Variants in ANKRD44 observed in about 807,000 individuals in gnomAD.
ANKRD44 encodes serine/threonine-protein phosphatase 6 regulatory ankyrin repeat subunit B.
In ANKRD44, 35 loss-of-function variants were observed where a neutral mutation model predicts 116.0. The ratio of observed to expected loss-of-function variants is 0.30; its 90% CI spans 0.23 to 0.40. ANKRD44 has a LOEUF of 0.40. Ranked by LOEUF, ANKRD44 falls within the 10% of genes least tolerant of loss-of-function variation. The probability of loss-of-function intolerance (pLI) is 1.00; values close to 1 mark genes in which losing one functional copy is unlikely to be tolerated. For missense variants in ANKRD44, 1,014 were observed against 1,242.6 expected (o/e 0.82, Z 2.77); for synonymous variants, 435 against 461.8 (o/e 0.94, Z 0.74).
chr2:197,213,127 G>T (rs763270858), intron 1 of ANKRD44, among the ~76,000 whole-genome samples: 1 of 152,100 alleles, frequency 6.6e-6, no homozygotes, highest in East Asian at 1.9e-4. Flanking sequence ...GAGTAATTTT[G>T]ACTCTACAAG....
intron 2 of ANKRD44, among the ~76,000 whole-genome samples, chr2:197,162,486 G>A (rs913658651): frequency 4.6e-5 from 7 of 152,212 alleles, no homozygotes; most frequent in East Asian, 1.9e-4. Context: ...AGTCTCAGAC[G>A]GAAATGTAGA....
At chr2:197,022,985 G>A (rs947210709) in intron 17 of ANKRD44, among the ~76,000 whole-genome samples, 4 of 152,230 alleles carry the variant, frequency 2.6e-5, no homozygotes, top group Admixed American at 1.3e-4. Flanking sequence ...TGGATACTCT[G>A]CAAGGGCAGA....
At chr2:197,004,363 ATAT>A (rs2076166297) in intron 21 of ANKRD44, among the ~76,000 whole-genome samples, 1 of 152,220 alleles carries the variant, frequency 6.6e-6, no homozygotes, top group African/African-American at 2.4e-5. Context: ...AAAAATATTC[ATAT>A]TTCTAAGACA....
intron 16 of ANKRD44, chr2:197,078,017 T>C (rs1398450204): frequency 6.6e-6 from 1 of 152,148 alleles, no homozygotes; most frequent in Non-Finnish European, 1.5e-5. Flanking sequence ...GCATGCGATA[T>C]GTTATTTCTA....
downstream of ANKRD44, among the ~76,000 whole-genome samples, chr2:196,985,566 C>T (rs1261915934): frequency 4.6e-5 from 7 of 152,124 alleles, no homozygotes; most frequent in African/African-American, 7.2e-5. Flanking sequence ...AAGATGGCAT[C>T]GAAGAGAGAA....
chr2:197,229,539 T>A (rs577296804), intron 1 of ANKRD44, among the ~76,000 whole-genome samples: 2 of 152,226 alleles, frequency 1.3e-5, no homozygotes, highest in Admixed American at 6.5e-5. Context: ...TAGTTTCTCA[T>A]TTTGATTATC....
intron 1 of ANKRD44, among the ~76,000 whole-genome samples, chr2:197,272,003 G>A (rs2082911182): frequency 6.6e-6 from 1 of 152,184 alleles, no homozygotes; most frequent in Non-Finnish European, 1.5e-5. Context: ...AGTATTAGAA[G>A]TTGGAGCCTT....
intron 2 of ANKRD44, chr2:197,147,902 A>T (rs1208065947): frequency 2.2e-6 from 1 of 455,728 alleles, no homozygotes; most frequent in Non-Finnish European, 4.4e-6. Flanking sequence ...TATAGATAAG[A>T]AGACTGTAGC....
At chr2:197,033,869 T>TA (rs2076756070) in intron 16 of ANKRD44, among the ~76,000 whole-genome samples, 1 of 152,102 alleles carries the variant, frequency 6.6e-6, no homozygotes, top group African/African-American at 2.4e-5. Context: ...GAAGACAATG[T>TA]AAAAAAGTGG....
chr2:197,163,997 G>C (rs982761299), intron 2 of ANKRD44, among the ~76,000 whole-genome samples: 1 of 152,160 alleles, frequency 6.6e-6, no homozygotes, highest in Non-Finnish European at 1.5e-5. Context: ...GAGTGCTTCA[G>C]AAAGTACAAA....
intron 16 of ANKRD44, among the ~76,000 whole-genome samples, chr2:197,076,882 T>G (rs1198285082): frequency 6.6e-6 from 1 of 152,232 alleles, no homozygotes; most frequent in South Asian, 2.1e-4. Context: ...CTATGTACCA[T>G]ACTGTCTTTA....
At chr2:197,170,368 C>T (rs2080204002) in intron 2 of ANKRD44, among the ~76,000 whole-genome samples, 1 of 152,140 alleles carries the variant, frequency 6.6e-6, no homozygotes, top group African/African-American at 2.4e-5. Flanking sequence ...AAGTGCTTCC[C>T]AAGTTTACTT....
chr2:197,245,239 A>G (rs1274360330), intron 1 of ANKRD44, among the ~76,000 whole-genome samples: 1 of 152,182 alleles, frequency 6.6e-6, no homozygotes, highest in African/African-American at 2.4e-5. Context: ...CAGCCTGGGC[A>G]ACAGAGCAAG....
chr2:197,098,043 T>C (rs2078203769), intron 10 of ANKRD44, among the ~76,000 whole-genome samples: 1 of 152,208 alleles, frequency 6.6e-6, no homozygotes, highest in African/African-American at 2.4e-5. Context: ...CCCATTTCTC[T>C]TTCTACCCCA....
intron 1 of ANKRD44, among the ~76,000 whole-genome samples, chr2:197,287,436 C>G (rs1230703587): frequency 6.6e-6 from 1 of 152,066 alleles, no homozygotes. Flanking sequence ...TCACAGAATA[C>G]TTGGCAGAGA....
rs71012942 is a variant in ANKRD44 at position 196,979,554 on chromosome 2, C to CTTTTTTTTTTTTTTTTTTTT, written c.2369-12128_2369-12109dup. Among the ~76,000 whole-genome samples the CTTTTTTTTTTTTTTTTTTTT allele has an allele frequency of 1.0e-3, 61 of 59,644 alleles. 3 individuals are homozygous for CTTTTTTTTTTTTTTTTTTTT. The highest frequency in any genetic ancestry group is 2.0e-3 in the East Asian group (3 of 1,536). 39.1% of individuals were successfully genotyped at this position (59,644 alleles called of 152,430 possible). On this transcript the variant is annotated intron_variant, in intron 21 of 21. Transcript: ENST00000424317. Reference sequence around the variant, plus strand: ...CAGCCTGAGTAATTTAATAAGATGACTTTTTTTTTTTTTTTTTTTTTTTTT... The same window carrying CTTTTTTTTTTTTTTTTTTTT: ...CAGCCTGAGTAATTTAATAAGATGACTTTTTTTTTTTTTTTTTTTTTTTTTTTTTTTTTTTTTTTTTTTTT...
intron 16 of ANKRD44, among the ~76,000 whole-genome samples, chr2:197,041,396 G>A (rs569710757): frequency 3.8e-4 from 58 of 152,176 alleles, no homozygotes; most frequent in Admixed American, 7.9e-4. Context: ...ACAGGCTCCC[G>A]CTTCCTGGGC....
chr2:197,108,864 AC>A (rs1442400656), intron 9 of ANKRD44, among the ~76,000 whole-genome samples: 7 of 146,430 alleles, frequency 4.8e-5, no homozygotes, highest in Admixed American at 2.0e-4. Context: ...AACAACAACA[AC>A]AACAACAAAA....
chr2:197,013,828 G>A (rs888849537), intron 17 of ANKRD44, 116 bp from the exon 18 acceptor site: 49 of 978,618 alleles, frequency 5.0e-5, no homozygotes, highest in South Asian at 6.0e-5. Flanking sequence ...CCAAGAGCAC[G>A]TCAGAAAAAC....
Sources: allele counts gnomAD v4.1 joint callset (sites outside exome capture counted in the v4.1 genomes callset), GRCh38; gene constraint gnomAD v4.1.1; transcripts MANE v1.5; gene names NCBI Gene and HGNC (gene_info 2026-07-23, HGNC 2026-07-21).